The following SI variants were observed in gnomAD, a reference collection of about 807,000 sequenced individuals.
SI encodes the protein sucrase-isomaltase, intestinal.
A neutral mutation model predicts 253.3 loss-of-function variants in SI; 235 were observed. The observed-to-expected ratio is 0.93, with a 90% CI of 0.83 to 1.03. The LOEUF is 1.03. SI is among the 50% of genes least tolerant of loss of function. The pLI is 0.00. For synonymous variants in SI, 819 were observed against 712.0 expected (o/e 1.15, Z -2.39); for missense variants, 2,442 against 2,211.1 (o/e 1.10, Z -2.09).
At chr3:165,045,781 T>C (rs1713070126) in intron 16 of SI, among the ~76,000 whole-genome samples, 1 of 23,926 alleles carries the variant, frequency 4.2e-5, no homozygotes, top group Admixed American at 5.4e-4. Flanking sequence ...TCTTAGGTTG[T>C]TTTTTTTTTT....
At chr3:164,995,037 A>T (rs1576873422) in intron 40 of SI, among the ~76,000 whole-genome samples, 1 of 151,958 alleles carries the variant, frequency 6.6e-6, no homozygotes, top group East Asian at 1.9e-4. Context: ...TAGTTAAAAA[A>T]TAATAGGCAA....
intron 44 of SI, among the ~76,000 whole-genome samples, chr3:164,989,164 G>A (rs190453886): frequency 2.6e-3 from 391 of 150,396 alleles, no homozygotes; most frequent in Non-Finnish European, 4.5e-3. Context: ...TGGCCAACAT[G>A]ATGAAACTCC....
At chr3:164,982,944 C>G in intron 46 of SI, 58 bp downstream of exon 46, 1 of 1,508,738 alleles carries the variant, frequency 6.6e-7, no homozygotes, top group Non-Finnish European at 9.1e-7. Flanking sequence ...AGCCACCCCA[C>G]CCAGCTGTGA....
the SI span, among the ~76,000 whole-genome samples, chr3:165,085,048 A>G: frequency 2.6e-5 from 4 of 152,050 alleles, no homozygotes; most frequent in Non-Finnish European, 5.9e-5. Context: ...TTTTTCTTCA[A>G]ATTTCTCTAA....
At chr3:164,987,334 G>T (rs1016614653) in intron 44 of SI, 108 bp from the exon 45 acceptor site, 4 of 862,794 alleles carry the variant, frequency 4.6e-6, no homozygotes, top group East Asian at 2.5e-5. Flanking sequence ...ATTAAGGAGT[G>T]TGCAAACTGA....
intron 37 of SI, among the ~76,000 whole-genome samples, chr3:165,000,668 C>A (rs925054105): frequency 6.6e-6 from 1 of 151,300 alleles, no homozygotes; most frequent in Non-Finnish European, 1.5e-5. Context: ...CCTCTGTAAA[C>A]CCTCACACAG....
At chr3:164,995,525 T>C (rs1164252541) in intron 40 of SI, among the ~76,000 whole-genome samples, 2 of 151,814 alleles carry the variant, frequency 1.3e-5, no homozygotes, top group Non-Finnish European at 2.9e-5. Flanking sequence ...TTCTATCCTC[T>C]AGATTTTTAT....
intron 18 of SI, among the ~76,000 whole-genome samples, chr3:165,040,253 A>T (rs1712750177): frequency 6.6e-6 from 1 of 151,200 alleles, no homozygotes; most frequent in Admixed American, 6.6e-5. Flanking sequence ...GATAGGAGGA[A>T]GGGATGGGAA....
intron 33 of SI, 150 bp downstream of exon 33, chr3:165,014,973 A>G: frequency 1.6e-6 from 1 of 629,732 alleles, no homozygotes; most frequent in South Asian, 2.0e-5. Context: ...TTTGGATTGA[A>G]CCAAAGACTA....
chr3:165,030,575 G>A, intron 25 of SI, 137 bp downstream of exon 25: 3 of 888,588 alleles, frequency 3.4e-6, no homozygotes, highest in Non-Finnish European at 5.4e-6. Context: ...TGTCAGAGAT[G>A]CTAACTTCAA....
At chr3:165,010,407 C>T (rs559845033) in intron 34 of SI, among the ~76,000 whole-genome samples, 7 of 152,216 alleles carry the variant, frequency 4.6e-5, no homozygotes, top group African/African-American at 1.2e-4. Flanking sequence ...GTGATCCACA[C>T]GCCTCGGCCT....
At chr3:165,045,468 CT>C (rs1158338209) in intron 16 of SI, among the ~76,000 whole-genome samples, 14 of 151,868 alleles carry the variant, frequency 9.2e-5, no homozygotes, top group East Asian at 3.9e-4. Flanking sequence ...GTTTTTCCTT[CT>C]TTTTTTAACA....
At chr3:165,034,553 G>T (rs893613180) in intron 22 of SI, among the ~76,000 whole-genome samples, 1 of 151,920 alleles carries the variant, frequency 6.6e-6, no homozygotes, top group African/African-American at 2.4e-5. Flanking sequence ...CAGAGAATAG[G>T]TTTGGAATCT....
At chr3:165,013,744 G>T (rs2108168200) in intron 33 of SI, among the ~76,000 whole-genome samples, 1 of 152,222 alleles carries the variant, frequency 6.6e-6, no homozygotes, top group Middle Eastern at 3.4e-3. Flanking sequence ...AGAGAATAGT[G>T]CTCTAAAGGA....
chr3:165,046,266 T>G (rs894059253), intron 16 of SI, among the ~76,000 whole-genome samples: 1 of 152,146 alleles, frequency 6.6e-6, no homozygotes, highest in African/African-American at 2.4e-5. Flanking sequence ...ACATTATTTT[T>G]GTTATGTAGT....
At chr3:164,990,895 T>A (rs1386759762) in intron 44 of SI, among the ~76,000 whole-genome samples, 4 of 144,630 alleles carry the variant, frequency 2.8e-5, no homozygotes, top group African/African-American at 1.1e-4. Flanking sequence ...ACTTAAAGTA[T>A]AGTAAAAAAA....
intron 8 of SI, 49 bp from the exon 9 acceptor site, chr3:165,062,532 T>C (rs1714038672): frequency 2.2e-6 from 2 of 913,368 alleles, no homozygotes; most frequent in South Asian, 1.3e-5. Context: ...AAAAGGATTA[T>C]AGTAATTAAT....
intron 41 of SI, 94 bp downstream of exon 41, chr3:164,994,163 T>C: frequency 8.7e-7 from 1 of 1,147,428 alleles, no homozygotes; most frequent in Non-Finnish European, 1.3e-6. Flanking sequence ...AAACTGCCAA[T>C]CTAAAATATT....
chr3:165,068,691 A>G, intron 5 of SI, 31 bp downstream of exon 5: 3 of 1,507,568 alleles, frequency 2.0e-6, no homozygotes, highest in Non-Finnish European at 2.8e-6. Flanking sequence ...GTCTTTTAGT[A>G]TTAAATCTTT....
Sources: gnomAD v4.1 joint callset for allele counts (sites outside exome capture counted in the v4.1 genomes callset) on GRCh38, gnomAD v4.1.1 for gene constraint, MANE v1.5 for transcripts, NCBI Gene and HGNC (gene_info 2026-07-23, HGNC 2026-07-21) for gene names.